The following ARFGEF1 variants were observed in gnomAD, a reference collection of about 807,000 sequenced individuals.
The protein encoded by ARFGEF1 is ARF guanine nucleotide exchange factor 1.
Under a neutral mutation model 231.0 loss-of-function variants are expected in ARFGEF1, and 42 were observed. The ratio of observed to expected loss-of-function variants is 0.18; its 90% CI spans 0.14 to 0.24. The LOEUF (loss-of-function observed/expected upper bound fraction) is 0.24. Among genes scored for constraint, ARFGEF1 ranks in the 10% least tolerant of loss-of-function variants. The pLI is 1.00. For missense variants in ARFGEF1, 1,345 were observed against 2,192.0 expected (o/e 0.61, Z 7.72); for synonymous variants, 710 against 732.3 (o/e 0.97, Z 0.49).
chr8:67,190,760 G>GT (rs752616996), intron 5 of ARFGEF1: 3 of 1,591,610 alleles, frequency 1.9e-6, no homozygotes, highest in South Asian at 2.2e-5. Context: ...ACTAGACATT[G>GT]TATGTATGAG....
chr8:67,283,314 A>G (rs1411550100), intron 7 of ARFGEF1, among the ~76,000 whole-genome samples: 1 of 152,158 alleles, frequency 6.6e-6, no homozygotes, highest in Non-Finnish European at 1.5e-5. Flanking sequence ...ATGTTTATAA[A>G]AAGCAAAAAC....
intron 33 of ARFGEF1, among the ~76,000 whole-genome samples, chr8:67,216,342 A>G (rs1352963684): frequency 6.6e-6 from 1 of 152,130 alleles, no homozygotes; most frequent in African/African-American, 2.4e-5. Context: ...TCCTCCTTCC[A>G]CCACGTGAGA....
At chr8:67,238,994 T>TG in intron 20 of ARFGEF1, 101 bp from the exon 21 acceptor site, 1 of 939,834 alleles carries the variant, frequency 1.1e-6, no homozygotes, top group Non-Finnish European at 1.5e-6. Context: ...AGATTTTGTT[T>TG]TTTTTTTTTT....
At chr8:67,276,723 C>T (rs529106010) in intron 8 of ARFGEF1, among the ~76,000 whole-genome samples, 30 of 152,286 alleles carry the variant, frequency 2.0e-4, no homozygotes, top group South Asian at 4.1e-4. Flanking sequence ...AAAGTTTTCT[C>T]ACCCTACAAC....
chr8:67,183,774 A>G (rs1833617548), intron 5 of ARFGEF1, among the ~76,000 whole-genome samples: 1 of 151,924 alleles, frequency 6.6e-6, no homozygotes, highest in East Asian at 1.9e-4. Flanking sequence ...GATGACTTTT[A>G]GATAAAAAAC....
chr8:67,188,029 G>A (rs530052634), intron 5 of ARFGEF1, among the ~76,000 whole-genome samples: 10 of 152,144 alleles, frequency 6.6e-5, no homozygotes, highest in African/African-American at 1.7e-4. Flanking sequence ...TTGATAAGCC[G>A]GACTTTGTAA....
At chr8:67,270,992 C>T (rs1805062019) in intron 10 of ARFGEF1, among the ~76,000 whole-genome samples, 1 of 142,200 alleles carries the variant, frequency 7.0e-6, no homozygotes, top group African/African-American at 2.6e-5. Context: ...CCATTACACT[C>T]CAGCCTGGGC....
At chr8:67,235,142 T>C (rs1166062897) in intron 22 of ARFGEF1, among the ~76,000 whole-genome samples, 1 of 149,268 alleles carries the variant, frequency 6.7e-6, no homozygotes, top group Non-Finnish European at 1.5e-5. Flanking sequence ...ATATGTCCTT[T>C]ATATTTAAAT....
At chr8:67,298,220 C>T (rs1056991467) in intron 4 of ARFGEF1, among the ~76,000 whole-genome samples, 5 of 151,956 alleles carry the variant, frequency 3.3e-5, no homozygotes, top group Non-Finnish European at 5.9e-5. Flanking sequence ...CATATATACA[C>T]GTAAAAACAA....
At chr8:67,241,650 C>A (rs1394941141) in intron 19 of ARFGEF1, among the ~76,000 whole-genome samples, 5 of 152,012 alleles carry the variant, frequency 3.3e-5, no homozygotes, top group African/African-American at 1.2e-4. Context: ...TATGCAGGAA[C>A]AAGAGGGCCA....
At chr8:67,195,244 C>T (rs1387279456), downstream of ARFGEF1, 5 of 716,066 alleles carry the variant, frequency 7.0e-6, no homozygotes, top group African/African-American at 3.5e-5. Context: ...CTAACCAAAA[C>T]AAACAAACAG....
chr8:67,278,598 A>G (rs1805405653), intron 7 of ARFGEF1, among the ~76,000 whole-genome samples: 1 of 152,190 alleles, frequency 6.6e-6, no homozygotes, highest in Non-Finnish European at 1.5e-5. Flanking sequence ...CTGTAATCCC[A>G]GCACTTTGGG....
intron 33 of ARFGEF1, among the ~76,000 whole-genome samples, chr8:67,215,112 T>C (rs1838880986): frequency 6.6e-6 from 1 of 152,180 alleles, no homozygotes; most frequent in Non-Finnish European, 1.5e-5. Context: ...ACTACTGTAT[T>C]TTAAAAGTTA....
chr8:67,190,833 T>C, intron 5 of ARFGEF1: 2 of 1,063,628 alleles, frequency 1.9e-6, no homozygotes, highest in Non-Finnish European at 2.9e-6. Context: ...GTGCTAAATC[T>C]GTGTGGCCCA....
intron 1 of ARFGEF1, among the ~76,000 whole-genome samples, chr8:67,331,572 A>G (rs922271917): frequency 6.6e-6 from 1 of 152,252 alleles, no homozygotes; most frequent in Non-Finnish European, 1.5e-5. Flanking sequence ...TAAGCCACCC[A>G]GTTTACAGTA....
intron 1 of ARFGEF1, among the ~76,000 whole-genome samples, chr8:67,326,434 T>C (rs1807837071): frequency 1.3e-5 from 2 of 152,352 alleles, no homozygotes. Flanking sequence ...TTGAATTAGC[T>C]TTCCATACCT....
chr8:67,211,668 GA>G, intron 33 of ARFGEF1, 53 bp from the exon 34 acceptor site: 1 of 1,146,370 alleles, frequency 8.7e-7, no homozygotes, highest in Non-Finnish European at 1.2e-6. Context: ...GTTTATGGGT[GA>G]AAATATTTTC....
intron 22 of ARFGEF1, 100 bp downstream of exon 22, chr8:67,238,243 C>A: frequency 7.9e-7 from 1 of 1,261,994 alleles, no homozygotes; most frequent in Non-Finnish European, 1.1e-6. Context: ...AGACAAAAGG[C>A]ATTTTATCTT....
intron 1 of ARFGEF1, among the ~76,000 whole-genome samples, chr8:67,337,974 C>T (rs1587351583): frequency 6.6e-6 from 1 of 152,312 alleles, no homozygotes; most frequent in Admixed American, 6.5e-5. Context: ...GCAACAATAA[C>T]TTACTCATGT....
Sources: allele counts gnomAD v4.1 joint callset (sites outside exome capture counted in the v4.1 genomes callset), GRCh38; gene constraint gnomAD v4.1.1; transcripts MANE v1.5; gene names NCBI Gene and HGNC (gene_info 2026-07-23, HGNC 2026-07-21).